Variants in CELF2 observed in about 807,000 individuals in gnomAD.
CELF2 encodes the protein CUG triplet repeat RNA-binding protein 2.
Under a neutral mutation model 62.6 loss-of-function variants are expected in CELF2, and 8 were observed. The observed-to-expected ratio is 0.13, with a 90% CI of 0.07 to 0.23. The LOEUF is 0.23. Among genes scored for constraint, CELF2 ranks in the 10% least tolerant of loss-of-function variants. The pLI, the probability that CELF2 is intolerant of heterozygous loss-of-function variation, is 1.00. For missense variants in CELF2, 333 were observed against 671.0 expected (o/e 0.50, Z 5.56); for synonymous variants, 258 against 250.0 (o/e 1.03, Z -0.30).
chr10:10,619,120 A>G, the CELF2 span, among the ~76,000 whole-genome samples: 13 of 152,138 alleles, frequency 8.5e-5, no homozygotes, highest in Admixed American at 2.0e-4. Flanking sequence ...GCCTTTTCCT[A>G]TTGGCACAGC....
chr10:11,193,171 C>T (rs1411044929), intron 2 of CELF2, among the ~76,000 whole-genome samples: 2 of 152,176 alleles, frequency 1.3e-5, no homozygotes, highest in East Asian at 3.9e-4. Context: ...GGAATGTCAT[C>T]ATAGTCCTTC....
chr10:10,774,832 G>A, the CELF2 span, among the ~76,000 whole-genome samples: 353 of 152,038 alleles, frequency 2.3e-3, 1 homozygote, highest in Admixed American at 3.1e-3. Context: ...CCCAGGGAAG[G>A]CCTCTTGGGT....
At chr10:10,566,037 A>T in the CELF2 span, among the ~76,000 whole-genome samples, 1 of 152,102 alleles carries the variant, frequency 6.6e-6, no homozygotes, top group Admixed American at 6.6e-5. Context: ...ATTACATGGA[A>T]CTCTATCCCA....
At chr10:11,107,365 A>G (rs2053788859) in intron 1 of CELF2, among the ~76,000 whole-genome samples, 2 of 152,218 alleles carry the variant, frequency 1.3e-5, no homozygotes, top group South Asian at 4.1e-4. Flanking sequence ...TGTGGACACC[A>G]CACACTTGTG....
intron 1 of CELF2, among the ~76,000 whole-genome samples, chr10:10,873,754 C>T (rs2133451395): frequency 6.6e-6 from 1 of 152,288 alleles, no homozygotes; most frequent in East Asian, 1.9e-4. Context: ...ATTTATTTTT[C>T]CAACCCATCG....
intron 1 of CELF2, among the ~76,000 whole-genome samples, chr10:11,026,991 A>C (rs1017994676): frequency 1.3e-5 from 2 of 152,136 alleles, no homozygotes; most frequent in South Asian, 4.1e-4. Context: ...TGGGCCAGCT[A>C]TATTTGGCTA....
At chr10:11,090,247 C>T (rs146085964) in intron 1 of CELF2, among the ~76,000 whole-genome samples, 9 of 150,722 alleles carry the variant, frequency 6.0e-5, no homozygotes, top group Admixed American at 3.3e-4. Flanking sequence ...GGAAACAAGG[C>T]GGTAGAAGAA....
At chr10:10,469,029 C>A in the CELF2 span, among the ~76,000 whole-genome samples, 1 of 151,862 alleles carries the variant, frequency 6.6e-6, no homozygotes, top group African/African-American at 2.4e-5. Context: ...GAAATCCATG[C>A]ATAATGTTTT....
intron 1 of CELF2, among the ~76,000 whole-genome samples, chr10:11,105,818 T>C (rs2053274191): frequency 6.6e-6 from 1 of 152,186 alleles, no homozygotes; most frequent in Non-Finnish European, 1.5e-5. Context: ...CCCCACCTGA[T>C]AGAGATTCTG....
In CELF2 at chr10:10,947,814, A is replaced by G. The variant is rs557119952; in HGVS notation, c.89+27815A>G. Among the ~76,000 whole-genome samples the G allele has an allele frequency of 2.0e-4, 30 of 152,298 alleles. No individual in the cohort carries two copies. The highest frequency in any genetic ancestry group is 6.7e-4 in the African/African-American group (28 of 41,562). ...TGAGGAGAGAGAAAATGCTTCTAGT[A>G]TGGGGCCATAGGAAAGTCTTCATGA... On this transcript the variant is annotated intron_variant, in intron 2 of 13. Coordinates refer to the CELF2 transcript ENST00000636488. This position sits in a 1 kb window ranked among gnomAD's most constrained non-coding sequence, Gnocchi z 4.1.
At chr10:11,183,569 G>T (rs2074063344) in intron 2 of CELF2, among the ~76,000 whole-genome samples, 1 of 152,208 alleles carries the variant, frequency 6.6e-6, no homozygotes, top group African/African-American at 2.4e-5. Flanking sequence ...AGCAATACCT[G>T]AGAGTTTCAT....
rs1263084739 is a variant in CELF2 at position 11,285,873 on chromosome 10, G to A, written c.842-2545G>A. Among the ~76,000 whole-genome samples, 1 of 93,164 alleles carries A rather than the reference G, an allele frequency of 1.1e-5. No individual in the cohort carries two copies. Among genetic ancestry groups the A allele is most frequent in the Non-Finnish European group, 2.1e-5 (1 of 47,922 alleles). 61.1% of individuals were successfully genotyped at this position (93,164 alleles called of 152,430 possible). ...TGTGTGTGTGTGTGTGTGTGTGTGT[G>A]TGTGTTTTTACATGGACTTGAAAAT... On this transcript the variant is annotated intron_variant, in intron 8 of 12. Transcript: ENST00000633077. The surrounding 1 kb of genome is among the most constrained non-coding windows in gnomAD (Gnocchi z 4.3).
the CELF2 span, among the ~76,000 whole-genome samples, chr10:10,780,450 G>T: frequency 7.6e-6 from 1 of 131,418 alleles, no homozygotes; most frequent in Non-Finnish European, 1.6e-5. Flanking sequence ...ATAACAGAGG[G>T]AAACGTTTGT....
At chr10:10,772,006 G>A in the CELF2 span, among the ~76,000 whole-genome samples, 4 of 152,084 alleles carry the variant, frequency 2.6e-5, no homozygotes, top group African/African-American at 9.7e-5. Flanking sequence ...TCATCTGAAC[G>A]TATATGAAAA....
rs1199131054 is a variant in CELF2 at position 11,328,676 on chromosome 10, G to C, written c.1439-250G>C. 6.6e-6 allele frequency among the ~76,000 whole-genome samples: 1 copy of C among 152,262 alleles called. No homozygotes were observed. Among genetic ancestry groups the C allele is most frequent in the Non-Finnish European group, 1.5e-5 (1 of 68,040 alleles). ...CCAAACAATTGAGTCTGAGGTTTCA[G>C]TGTTGTGGGGAGGGGTGTGTGCTCC... On this transcript the variant is annotated intron_variant, in intron 12 of 12. Transcript: ENST00000633077. This position sits in a 1 kb window ranked among gnomAD's most constrained non-coding sequence, Gnocchi z 6.4.
At chr10:10,711,089 C>T in the CELF2 span, among the ~76,000 whole-genome samples, 2 of 152,134 alleles carry the variant, frequency 1.3e-5, no homozygotes, top group African/African-American at 2.4e-5. Context: ...TGGTCCTGGC[C>T]TCTACCTTCT....
chr10:10,914,133 A>T (rs375167536), intron 1 of CELF2, among the ~76,000 whole-genome samples: 11,804 of 34,096 alleles, frequency 0.35, 1,020 homozygotes, highest in African/African-American at 0.46. Flanking sequence ...CCTTTTTTTA[A>T]AAAAAAAAAA....
chr10:11,095,533 G>A (rs1482084767), intron 1 of CELF2, among the ~76,000 whole-genome samples: 3 of 152,302 alleles, frequency 2.0e-5, no homozygotes, highest in Middle Eastern at 3.4e-3. Context: ...CCTGCAGGGG[G>A]AGGGCAGCTG....
chr10:10,564,656 AC>A, the CELF2 span, among the ~76,000 whole-genome samples: 2 of 102,572 alleles, frequency 1.9e-5, no homozygotes, highest in Admixed American at 1.7e-4. Flanking sequence ...ACACACACAC[AC>A]ACACACACAC....
Sources: allele counts gnomAD v4.1 joint callset (sites outside exome capture counted in the v4.1 genomes callset), GRCh38; gene constraint gnomAD v4.1.1; non-coding constraint Gnocchi (gnomAD v3.1); transcripts MANE v1.5; gene names NCBI Gene and HGNC (gene_info 2026-07-23, HGNC 2026-07-21).